NME7: variants seen among roughly 807,000 people sequenced by gnomAD.
NME7 encodes the protein nucleoside diphosphate kinase 7.
Under a neutral mutation model 49.1 loss-of-function variants are expected in NME7, and 41 were observed. The ratio of observed to expected loss-of-function variants is 0.83; its 90% CI spans 0.65 to 1.08. The LOEUF is 1.08. NME7 is among the 50% of genes least tolerant of loss of function. NME7 has a pLI of 0.00. For missense variants in NME7, 423 were observed against 463.4 expected, an observed-to-expected ratio of 0.91 and a Z score of 0.80; for synonymous variants, 139 against 150.6, an observed-to-expected ratio of 0.92 and a Z score of 0.56.
At chr1:169,163,623 T>A (rs962519522) in intron 11 of NME7, among the ~76,000 whole-genome samples, 3 of 152,106 alleles carry the variant, frequency 2.0e-5, no homozygotes, top group Non-Finnish European at 4.4e-5. Flanking sequence ...ATGGTAGTAA[T>A]AAATGAATGT....
intron 6 of NME7, 47 bp downstream of exon 6, chr1:169,298,509 A>G (rs771973504): frequency 1.3e-6 from 2 of 1,571,742 alleles, no homozygotes; most frequent in Admixed American, 3.6e-5. Context: ...GATATAAAAC[A>G]TTTAACAGAA....
At chr1:169,164,024 A>G (rs1305251208) in intron 11 of NME7, among the ~76,000 whole-genome samples, 1 of 151,370 alleles carries the variant, frequency 6.6e-6, no homozygotes, top group African/African-American at 2.4e-5. Context: ...GCAGGAGAAT[A>G]GCTTGAACCC....
At chr1:169,162,805 A>G (rs1215624234) in intron 11 of NME7, among the ~76,000 whole-genome samples, 2 of 152,148 alleles carry the variant, frequency 1.3e-5, no homozygotes, top group African/African-American at 2.4e-5. Context: ...CGACATTGCA[A>G]TCCAGCCCAG....
At chr1:169,280,379 G>C (rs1649956281) in intron 7 of NME7, among the ~76,000 whole-genome samples, 1 of 151,970 alleles carries the variant, frequency 6.6e-6, no homozygotes. Flanking sequence ...TGGATAGATT[G>C]CAAAAATTTT....
At chr1:169,276,943 GT>G (rs1649759227) in intron 7 of NME7, among the ~76,000 whole-genome samples, 1 of 150,066 alleles carries the variant, frequency 6.7e-6, no homozygotes. Flanking sequence ...ATTTCGTTAT[GT>G]ACCCAGTAGT....
At chr1:169,152,959 T>C (rs1328385604) in intron 11 of NME7, among the ~76,000 whole-genome samples, 1 of 151,138 alleles carries the variant, frequency 6.6e-6, no homozygotes, top group East Asian at 1.9e-4. Context: ...TAATCCATCA[T>C]GGTGATTTTT....
chr1:169,306,288 CAT>C (rs1327019888), intron 4 of NME7, among the ~76,000 whole-genome samples: 3 of 152,070 alleles, frequency 2.0e-5, no homozygotes. Context: ...GGAATGGTAA[CAT>C]GTTCAAATTT....
chr1:169,326,561 G>A (rs911690579), intron 1 of NME7, among the ~76,000 whole-genome samples: 8 of 152,126 alleles, frequency 5.3e-5, no homozygotes, highest in Admixed American at 1.3e-4. Context: ...AGAGAAACAG[G>A]TACAAAAGTG....
chr1:169,297,925 T>C (rs1487173900), intron 6 of NME7, among the ~76,000 whole-genome samples: 1 of 152,156 alleles, frequency 6.6e-6, no homozygotes, highest in Non-Finnish European at 1.5e-5. Flanking sequence ...GCTGATGAAA[T>C]GGTAGGAAAA....
intron 10 of NME7, among the ~76,000 whole-genome samples, chr1:169,189,815 A>AT (rs1378879279): frequency 6.6e-6 from 1 of 152,190 alleles, no homozygotes; most frequent in Non-Finnish European, 1.5e-5. Flanking sequence ...TGACATGACT[A>AT]TAACAGAACT....
intron 3 of NME7, among the ~76,000 whole-genome samples, chr1:169,315,882 A>G (rs1651605553): frequency 6.6e-6 from 1 of 152,094 alleles, no homozygotes; most frequent in Non-Finnish European, 1.5e-5. Flanking sequence ...CCTTAATTGC[A>G]TATATTAAAA....
At chr1:169,279,751 G>C (rs1649925641) in intron 7 of NME7, among the ~76,000 whole-genome samples, 1 of 152,210 alleles carries the variant, frequency 6.6e-6, no homozygotes, top group South Asian at 2.1e-4. Flanking sequence ...ACCTCAGATG[G>C]AAATGCAGAA....
chr1:169,237,689 T>C lies in NME7; in HGVS notation c.755-2A>G. ...CCATCAGGATCTTTCCCAACAGTCC[T>C]GAAAATGAAGGACAATGAGTGAAAA... On this transcript the variant is annotated splice_acceptor_variant, in intron 7 of 11. Coordinates refer to ENST00000367811, the MANE Select transcript of NME7 (RefSeq NM_013330.5). LOFTEE classifies it high-confidence loss of function. 2 of 1,604,878 alleles carry C rather than the reference T, an allele frequency of 1.2e-6. No homozygotes were observed. The highest frequency in any genetic ancestry group is 1.7e-6 in the Non-Finnish European group (2 of 1,174,602).
intron 3 of NME7, among the ~76,000 whole-genome samples, chr1:169,321,302 G>C (rs1172185803): frequency 6.6e-6 from 1 of 152,126 alleles, no homozygotes; most frequent in Non-Finnish European, 1.5e-5. Context: ...CAAGGGTGCA[G>C]TGGGCTATGA....
intron 1 of NME7, among the ~76,000 whole-genome samples, chr1:169,335,587 G>C (rs964047586): frequency 6.6e-6 from 1 of 151,648 alleles, no homozygotes; most frequent in Middle Eastern, 3.4e-3. Flanking sequence ...CTTAGGGGAC[G>C]AGTCAATAGG....
intron 10 of NME7, among the ~76,000 whole-genome samples, chr1:169,227,192 C>T (rs540505632): frequency 6.6e-6 from 1 of 152,286 alleles, no homozygotes; most frequent in East Asian, 1.9e-4. Context: ...GCTCACTCCC[C>T]AGCTCCTCCC....
chr1:169,323,534 T>C (rs541729320), intron 2 of NME7, among the ~76,000 whole-genome samples: 9 of 152,334 alleles, frequency 5.9e-5, no homozygotes, highest in African/African-American at 1.9e-4. Context: ...GAAAGATTTG[T>C]TTATTACCAA....
At chr1:169,212,980 A>T (rs1233456965) in intron 10 of NME7, among the ~76,000 whole-genome samples, 1 of 151,764 alleles carries the variant, frequency 6.6e-6, no homozygotes, top group Non-Finnish European at 1.5e-5. Flanking sequence ...GCATTTTTGT[A>T]TTTTCTGTTG....
chr1:169,213,820 T>C, intron 10 of NME7, among the ~76,000 whole-genome samples: 1 of 142,866 alleles, frequency 7.0e-6, no homozygotes, highest in Non-Finnish European at 1.6e-5. Context: ...AAAAATAAAA[T>C]AAATAAATAA....
Sources: gnomAD v4.1 joint callset for allele counts (sites outside exome capture counted in the v4.1 genomes callset) on GRCh38, gnomAD v4.1.1 for gene constraint, MANE v1.5 for transcripts, NCBI Gene and HGNC (gene_info 2026-07-23, HGNC 2026-07-21) for gene names.